The following KIAA1549 variants were observed in gnomAD, a reference collection of about 807,000 sequenced individuals.
The protein encoded by KIAA1549 is KIAA1549.
KIAA1549 carries 70 observed loss-of-function variants against 156.4 expected under a neutral mutation model. That is an observed-to-expected ratio of 0.45 (90% CI 0.37 to 0.55). KIAA1549 has a LOEUF of 0.55. Among genes scored for constraint, KIAA1549 ranks in the 20% least tolerant of loss-of-function variants. The pLI is 0.00. For synonymous variants in KIAA1549, 1,103 were observed against 1,066.4 expected (o/e 1.03, Z -0.67); for missense variants, 2,428 against 2,540.9 (o/e 0.96, Z 0.96).
chr7:138,915,286 T>C (rs774834510), intron 2 of KIAA1549, among the ~76,000 whole-genome samples: 4 of 152,150 alleles, frequency 2.6e-5, no homozygotes, highest in Non-Finnish European at 4.4e-5. Flanking sequence ...GTCACTGCTA[T>C]TACTCTGTGG....
At chr7:138,945,853 G>A (rs1192144250) in intron 1 of KIAA1549, among the ~76,000 whole-genome samples, 1 of 152,134 alleles carries the variant, frequency 6.6e-6, no homozygotes, top group African/African-American at 2.4e-5. Flanking sequence ...TTGAGCCCAG[G>A]AGTTCAAGGC....
intron 14 of KIAA1549, 133 bp downstream of exon 14, chr7:138,869,405 C>T: frequency 1.4e-6 from 1 of 698,870 alleles, no homozygotes; most frequent in Non-Finnish European, 2.4e-6. Flanking sequence ...TCTTCAGAGA[C>T]CTCCACGTGA....
Position 138,868,616 on chromosome 7 carries a change from C to T in KIAA1549, c.4776-488G>A, listed in dbSNP as rs147155402. On this transcript the variant is annotated intron_variant, in intron 14 of 19. Transcript: ENST00000422774. The stretch of plus-strand genomic sequence containing the variant: ...TTAATTTTTGTATCTTTAGTAGAGA[C>T]GGGGTTTCACCATATTGGCCAGGCT... Among the ~76,000 whole-genome samples the T allele has an allele frequency of 8.1e-4, 124 of 152,214 alleles. 1 individual carries two copies. Among genetic ancestry groups the T allele is most frequent in the African/African-American group, 2.8e-3 (117 of 41,514 alleles).
rs191960894 is a variant in KIAA1549, at chr7:138,901,645, C to T, written c.3669+1943G>A. Among the ~76,000 whole-genome samples the T allele has an allele frequency of 3.3e-5, 5 of 152,226 alleles. No homozygotes were observed. In the East Asian group the frequency reaches 9.6e-4, roughly 29 times the overall value. On this transcript the variant is annotated intron_variant, in intron 8 of 19. Transcript: ENST00000422774. Reference sequence around the variant, plus strand: ...CAGCCCACTTGAGCATTTTTCTATACCACTCACTAATTTTTTTTTAAATGA... The same window carrying T: ...CAGCCCACTTGAGCATTTTTCTATATCACTCACTAATTTTTTTTTAAATGA...
intron 1 of KIAA1549, among the ~76,000 whole-genome samples, chr7:138,960,564 C>T (rs187039171): frequency 5.3e-5 from 8 of 152,158 alleles, no homozygotes; most frequent in African/African-American, 1.9e-4. Context: ...CCTGCCTCGG[C>T]CTCCAAAAAT....
At chr7:138,921,233 G>A (rs1812555351) in intron 1 of KIAA1549, among the ~76,000 whole-genome samples, 2 of 152,168 alleles carry the variant, frequency 1.3e-5, no homozygotes, top group Admixed American at 6.5e-5. Context: ...AACAGGCATC[G>A]GTTTCTAATA....
intron 10 of KIAA1549, among the ~76,000 whole-genome samples, chr7:138,891,981 TGC>T (rs1811560921): frequency 6.6e-6 from 1 of 152,240 alleles, no homozygotes; most frequent in Non-Finnish European, 1.5e-5. Context: ...TGGGTTCCTG[TGC>T]CAGCAAAACA....
At chr7:138,973,243 C>G (rs1160299369) in intron 1 of KIAA1549, among the ~76,000 whole-genome samples, 1 of 152,242 alleles carries the variant, frequency 6.6e-6, no homozygotes. Context: ...TCAAACCTCA[C>G]CAGGCCTAAG....
chr7:138,866,700 C>T (rs990832068), intron 15 of KIAA1549, among the ~76,000 whole-genome samples: 11 of 152,262 alleles, frequency 7.2e-5, no homozygotes, highest in Non-Finnish European at 1.5e-4. Flanking sequence ...TCTCTCTCCC[C>T]TACTCAATGC....
chr7:138,889,381 A>C (rs1299577200), intron 10 of KIAA1549, among the ~76,000 whole-genome samples: 2 of 152,238 alleles, frequency 1.3e-5, no homozygotes, highest in Admixed American at 1.3e-4. Flanking sequence ...ATAAATGCCA[A>C]AGTACCCTAC....
intron 4 of KIAA1549, among the ~76,000 whole-genome samples, chr7:138,910,257 G>T (rs578203026): frequency 6.6e-6 from 1 of 152,186 alleles, no homozygotes; most frequent in Non-Finnish European, 1.5e-5. Flanking sequence ...AAATAATAAG[G>T]TCAGGTGTGG....
chr7:138,938,059 T>C (rs35122874), intron 1 of KIAA1549, among the ~76,000 whole-genome samples: 50 of 152,196 alleles, frequency 3.3e-4, no homozygotes, highest in Admixed American at 5.9e-4. Flanking sequence ...TATTAAGAGG[T>C]AGGGCCTTTG....
chr7:138,865,517 AAG>A (rs1810712607), intron 15 of KIAA1549, among the ~76,000 whole-genome samples: 1 of 152,180 alleles, frequency 6.6e-6, no homozygotes, highest in Admixed American at 6.5e-5. Flanking sequence ...TACCTAAGAA[AAG>A]ATGAGTTCTG....
At chr7:138,926,411 A>T (rs975030896) in intron 1 of KIAA1549, among the ~76,000 whole-genome samples, 1 of 151,708 alleles carries the variant, frequency 6.6e-6, no homozygotes, top group Admixed American at 6.6e-5. Flanking sequence ...CAGCCTCCAG[A>T]GCAGCTGGGA....
intron 1 of KIAA1549, among the ~76,000 whole-genome samples, chr7:138,949,248 T>TCTAC (rs2130536997): frequency 6.6e-6 from 1 of 152,270 alleles, no homozygotes; most frequent in Non-Finnish European, 1.5e-5. Flanking sequence ...ATTACCCTCA[T>TCTAC]CTACCCCAAG....
Position 138,981,154 on chromosome 7 carries a change from C to CG in KIAA1549, c.115dup (p.Arg39ProfsTer26). On this transcript the variant is annotated frameshift_variant, in exon 1 of 20. Transcript: ENST00000422774. LOFTEE classifies it high-confidence loss of function. This position sits in a 1 kb window ranked among gnomAD's most constrained non-coding sequence, Gnocchi z 4.5. ...AGGAAGCAGCAGCCCCGGGCGGCGG[C>CG]GGCGGGCGCAGCGGGCGGAAGGCCG... 1 of 1,193,332 alleles carries CG rather than the reference C, an allele frequency of 8.4e-7. No individual in the cohort carries two copies. Among genetic ancestry groups the CG allele is most frequent in the Non-Finnish European group, 1.0e-6 (1 of 963,126 alleles). The allele number at this position is 1,193,332 out of a possible 1,614,324, so 73.9% of individuals were successfully genotyped here. A position where few individuals can be genotyped will look rare whatever the true frequency, so the allele number is the denominator to read the frequency against.
chr7:138,937,918 C>T (rs1011535892), intron 1 of KIAA1549, among the ~76,000 whole-genome samples: 2 of 152,100 alleles, frequency 1.3e-5, no homozygotes, highest in South Asian at 2.1e-4. Context: ...TCCAAGCCCT[C>T]CAGGGATATG....
chr7:138,929,052 TGGGTGGCTGATGAAGGTTA>T (rs1812800741), intron 1 of KIAA1549, among the ~76,000 whole-genome samples: 1 of 152,142 alleles, frequency 6.6e-6, no homozygotes. Context: ...CTGATGAGGG[TGGGTGGCTGATGAAGGTTA>T]GGGTGGCTTT....
At chr7:138,969,207 T>A (rs1248623239) in intron 1 of KIAA1549, among the ~76,000 whole-genome samples, 3 of 152,230 alleles carry the variant, frequency 2.0e-5, no homozygotes, top group African/African-American at 7.2e-5. Context: ...TTGAGTATAT[T>A]CACATTGTCG....
Sources: allele counts gnomAD v4.1 joint callset (sites outside exome capture counted in the v4.1 genomes callset), GRCh38; gene constraint gnomAD v4.1.1; non-coding constraint Gnocchi (gnomAD v3.1); transcripts MANE v1.5; gene names NCBI Gene and HGNC (gene_info 2026-07-23, HGNC 2026-07-21).